The following AFF2 variants were observed in gnomAD, a reference collection of about 807,000 sequenced individuals.
AFF2 encodes the protein AF4/FMR2 family member 2.
In AFF2, 14 loss-of-function variants were observed where a neutral mutation model predicts 76.9. The ratio of observed to expected loss-of-function variants is 0.18; its 90% CI spans 0.12 to 0.28. The LOEUF (loss-of-function observed/expected upper bound fraction) is 0.28. Ranked by LOEUF, AFF2 falls within the 10% of genes least tolerant of loss-of-function variation. The probability of loss-of-function intolerance (pLI) is 1.00; values close to 1 mark genes in which losing one functional copy is unlikely to be tolerated. For missense variants in AFF2, 868 were observed against 1,001.1 expected, an observed-to-expected ratio of 0.87 and a Z score of 1.79; for synonymous variants, 398 against 366.7, an observed-to-expected ratio of 1.09 and a Z score of -0.98.
chrX:148,855,840 A>G (rs1372280822), intron 7 of AFF2, among the ~76,000 whole-genome samples: 1 of 112,041 alleles, frequency 8.9e-6, no homozygotes, highest in Non-Finnish European at 1.9e-5. Flanking sequence ...TAGCACCTAC[A>G]TGATACGATT....
chrX:148,967,107 G>A (rs781872434), intron 14 of AFF2, 28 bp downstream of exon 14: 15 of 1,199,894 alleles, frequency 1.3e-5, no homozygotes, highest in Middle Eastern at 2.3e-4. Context: ...ATCATGGACA[G>A]TTTGGAGTAG....
chrX:148,661,886 C>A, intron 2 of AFF2, 22 bp from the exon 3 acceptor site: 1 of 1,172,003 alleles, frequency 8.5e-7, no homozygotes, highest in Non-Finnish European at 1.1e-6. Flanking sequence ...CTCCTCCCAC[C>A]CCCATCTTTT....
At chrX:148,839,839 T>C (rs973242820) in intron 5 of AFF2, among the ~76,000 whole-genome samples, 18 of 109,954 alleles carry the variant, frequency 1.6e-4, no homozygotes, top group African/African-American at 5.6e-4. Flanking sequence ...TTGCTTGCTG[T>C]GTGGTCCTGT....
At chrX:148,725,722 G>T (rs1016841510) in intron 3 of AFF2, among the ~76,000 whole-genome samples, 9 of 111,584 alleles carry the variant, frequency 8.1e-5, no homozygotes, top group Non-Finnish European at 1.1e-4. Flanking sequence ...ATCTCTAATT[G>T]ATTTTTTCTC....
At chrX:148,643,517 T>C (rs2054110938) in intron 1 of AFF2, among the ~76,000 whole-genome samples, 2 of 111,987 alleles carry the variant, frequency 1.8e-5, no homozygotes, top group African/African-American at 6.5e-5. Context: ...GCCTCGTTTT[T>C]AATTAATAGG....
At chrX:148,689,353 C>T (rs899804760) in intron 3 of AFF2, among the ~76,000 whole-genome samples, 6 of 111,233 alleles carry the variant, frequency 5.4e-5, no homozygotes, top group Admixed American at 1.9e-4. Flanking sequence ...TGGAAGGAGG[C>T]GACAAAACTC....
intron 1 of AFF2, among the ~76,000 whole-genome samples, chrX:148,506,524 A>G (rs2052420116): frequency 9.0e-6 from 1 of 110,583 alleles, no homozygotes; most frequent in South Asian, 3.9e-4. Context: ...TACTGATACA[A>G]TCTCTTAGCA....
chrX:148,840,849 A>C (rs782291504), intron 5 of AFF2, among the ~76,000 whole-genome samples: 3 of 112,394 alleles, frequency 2.7e-5, no homozygotes, highest in South Asian at 3.7e-4. Flanking sequence ...GTGAAATCCA[A>C]TGCATAATGA....
At chrX:148,521,110 T>G (rs1409832259) in intron 1 of AFF2, among the ~76,000 whole-genome samples, 1 of 111,418 alleles carries the variant, frequency 9.0e-6, no homozygotes, top group Non-Finnish European at 1.9e-5. Context: ...TACTTCCTTC[T>G]CACAGGGGTT....
rs1381921075 is a variant in AFF2, at chrX:148,666,411, C to G, written c.1041+3643C>G. Among the ~76,000 whole-genome samples the G allele has an allele frequency of 2.9e-4, 32 of 109,804 alleles. 1 individual carries two copies. In the Admixed American group the frequency reaches 3.1e-3, roughly 11 times the overall value. Reference sequence around the variant, plus strand: ...ACCATCCTGGCCAACATGGTGAAACCCCATCTCTACCAAAAATACAAAAAA... The same window carrying G: ...ACCATCCTGGCCAACATGGTGAAACGCCATCTCTACCAAAAATACAAAAAA... On this transcript the variant is annotated intron_variant, in intron 3 of 20. Coordinates refer to ENST00000370460, the MANE Select transcript of AFF2 (RefSeq NM_002025.4).
intron 7 of AFF2, among the ~76,000 whole-genome samples, chrX:148,868,332 C>T (rs1250718470): frequency 1.8e-5 from 2 of 112,231 alleles, no homozygotes; most frequent in African/African-American, 6.5e-5. Flanking sequence ...TAGTGATTTT[C>T]AGAGACTGTG....
intron 1 of AFF2, among the ~76,000 whole-genome samples, chrX:148,579,272 G>GAAATGGTTGA (rs1805862789): frequency 9.0e-6 from 1 of 111,703 alleles, no homozygotes; most frequent in Non-Finnish European, 1.9e-5. Context: ...ATTGATGGCT[G>GAAATGGTTGA]AAATGGTTGA....
chrX:148,613,061 T>A (rs2124404654), intron 1 of AFF2, among the ~76,000 whole-genome samples: 1 of 111,747 alleles, frequency 8.9e-6, no homozygotes, highest in African/African-American at 3.2e-5. Context: ...ACCATAAGGA[T>A]TGTTGTTAGG....
At chrX:148,681,776 G>C (rs2054554083) in intron 3 of AFF2, among the ~76,000 whole-genome samples, 1 of 111,151 alleles carries the variant, frequency 9.0e-6, no homozygotes, top group South Asian at 3.8e-4. Context: ...TGGGACTTTA[G>C]TAGTGTCTCT....
At chrX:148,739,358 C>T (rs1424041371) in intron 3 of AFF2, among the ~76,000 whole-genome samples, 1 of 111,997 alleles carries the variant, frequency 8.9e-6, no homozygotes, top group African/African-American at 3.2e-5. Context: ...AGGCCTTTTA[C>T]CATTATATAA....
chrX:148,663,052 TGTG>T (rs1218776700), intron 3 of AFF2, among the ~76,000 whole-genome samples: 1 of 112,257 alleles, frequency 8.9e-6, no homozygotes, highest in African/African-American at 3.2e-5. Context: ...AAAATACAGT[TGTG>T]GTAATACTAT....
intron 3 of AFF2, among the ~76,000 whole-genome samples, chrX:148,672,961 G>A (rs1171815738): frequency 1.8e-5 from 2 of 111,351 alleles, no homozygotes; most frequent in Non-Finnish European, 3.8e-5. Context: ...GCTATAGAGG[G>A]AGTAAGACTT....
intron 3 of AFF2, among the ~76,000 whole-genome samples, chrX:148,750,142 G>C (rs923459980): frequency 3.7e-5 from 4 of 109,217 alleles, no homozygotes; most frequent in Non-Finnish European, 7.6e-5. Flanking sequence ...TAATTTTTTT[G>C]TATTTTTAGT....
At chrX:148,914,779 G>C (rs1031106857) in intron 9 of AFF2, among the ~76,000 whole-genome samples, 4 of 112,189 alleles carry the variant, frequency 3.6e-5, no homozygotes, top group Non-Finnish European at 7.5e-5. Flanking sequence ...TAGTATTTTA[G>C]GCATGACACA....
Sources: gnomAD v4.1 joint callset for allele counts (sites outside exome capture counted in the v4.1 genomes callset) on GRCh38, gnomAD v4.1.1 for gene constraint, MANE v1.5 for transcripts, NCBI Gene and HGNC (gene_info 2026-07-23, HGNC 2026-07-21) for gene names.